The following NEK5 variants were observed in gnomAD, a reference collection of about 807,000 sequenced individuals.
NEK5 encodes serine/threonine-protein kinase Nek5.
NEK5 carries 88 observed loss-of-function variants against 109.2 expected under a neutral mutation model. The ratio of observed to expected loss-of-function variants is 0.81; its 90% CI spans 0.68 to 0.96. The LOEUF (loss-of-function observed/expected upper bound fraction) is 0.96, where lower values mean the gene tolerates loss of function less well. Ranked by LOEUF, NEK5 falls within the 40% of genes least tolerant of loss-of-function variation. The pLI, the probability that NEK5 is intolerant of heterozygous loss-of-function variation, is 0.00. For synonymous variants in NEK5, 283 were observed against 299.9 expected, an observed-to-expected ratio of 0.94 and a Z score of 0.58; for missense variants, 834 against 920.7, an observed-to-expected ratio of 0.91 and a Z score of 1.22.
intron 19 of NEK5, among the ~76,000 whole-genome samples, chr13:52,073,668 A>C (rs758939885): frequency 6.6e-6 from 1 of 152,158 alleles, no homozygotes; most frequent in East Asian, 1.9e-4. Flanking sequence ...AGGCATCCAA[A>C]TAAGAAAAGA....
intron 21 of NEK5, 135 bp from the exon 22 acceptor site, chr13:52,062,088 A>C (rs1392315074): frequency 6.5e-6 from 1 of 152,766 alleles, no homozygotes; most frequent in Non-Finnish European, 1.5e-5. Context: ...GATATAGAAA[A>C]GTTTAGTGAC....
At chr13:52,101,401 GA>G (rs59572240) in intron 11 of NEK5, among the ~76,000 whole-genome samples, 75 of 142,664 alleles carry the variant, frequency 5.3e-4, no homozygotes, top group Admixed American at 1.6e-3. Flanking sequence ...CTCCGTCTCG[GA>G]AAAAAAAAAA....
intron 13 of NEK5, among the ~76,000 whole-genome samples, chr13:52,090,287 A>G (rs7320155): frequency 0.021 from 3,232 of 152,344 alleles, 84 homozygotes; most frequent in Admixed American, 0.083. Context: ...ATTTCAGACC[A>G]TAAGTTTTTT....
At chr13:52,120,974 C>A (rs1955958365) in intron 3 of NEK5, among the ~76,000 whole-genome samples, 1 of 149,916 alleles carries the variant, frequency 6.7e-6, no homozygotes, top group African/African-American at 2.5e-5. Flanking sequence ...ATGTATGAAA[C>A]TGGCAAAGAT....
chr13:52,069,841 G>A (rs902465266), intron 20 of NEK5, among the ~76,000 whole-genome samples: 1 of 152,130 alleles, frequency 6.6e-6, no homozygotes. Context: ...CAAAAATGAT[G>A]GCATGTGAAG....
Position 52,061,818 on chromosome 13 carries a change from C to G in NEK5, c.2110+1G>C, listed in dbSNP as rs1388683370. Reference sequence around the variant, plus strand: ...TATGTTGTTAAAAATAAACTACATACCAAATTCTTCATCGGCAGAAAATGA... The same window carrying G: ...TATGTTGTTAAAAATAAACTACATAGCAAATTCTTCATCGGCAGAAAATGA... On this transcript the variant is annotated splice_donor_variant, in intron 22 of 23. Coordinates refer to ENST00000684899, the MANE Select transcript of NEK5 (RefSeq NM_001365552.1). LOFTEE classifies it high-confidence loss of function. The G allele has an allele frequency of 1.0e-6, 1 of 985,236 alleles. No individual in the cohort carries two copies. Among genetic ancestry groups the G allele is most frequent in the Non-Finnish European group, 1.2e-6 (1 of 829,372 alleles). 61.0% of individuals were successfully genotyped at this position (985,236 alleles called of 1,614,324 possible).
chr13:52,055,938 C>CACATAACAATATTAACTTTA, intron 22 of NEK5, among the ~76,000 whole-genome samples: 1 of 151,514 alleles, frequency 6.6e-6, no homozygotes, highest in South Asian at 2.1e-4. Context: ...ATCAAATTCA[C>CACATAACAATATTAACTTTA]ACATAACAAT....
At chr13:52,104,635 G>A in intron 8 of NEK5, 83 bp from the exon 9 acceptor site, 1 of 913,952 alleles carries the variant, frequency 1.1e-6, no homozygotes. Flanking sequence ...CCTTAAATTT[G>A]TGTCGCTTTA....
At chr13:52,127,747 C>T (rs1956095582) in intron 1 of NEK5, 85 bp from the exon 2 acceptor site, 1 of 347,982 alleles carries the variant, frequency 2.9e-6, no homozygotes, top group African/African-American at 2.1e-5. Context: ...GGGTAAGTCA[C>T]TTAACCTGGC....
rs532784393 is a variant in NEK5 at position 52,083,695 on chromosome 13, C to A, written c.1480-343G>T. 2.0e-3 allele frequency among the ~76,000 whole-genome samples: 307 copies of A among 152,222 alleles called. 6 individuals carry two copies. The highest frequency in any genetic ancestry group is 7.2e-4 in the Non-Finnish European group (49 of 68,022). On this transcript the variant is annotated intron_variant, in intron 16 of 23. Transcript: ENST00000684899. ...GGGACTATAGGCACGCACCACCACG[C>A]CTGGCTAATTTTTTGTCTTTTTAGT...
At chr13:52,037,716 G>A (rs1954373829) in intron 23 of NEK5, among the ~76,000 whole-genome samples, 2 of 152,288 alleles carry the variant, frequency 1.3e-5, no homozygotes, top group South Asian at 2.1e-4. Flanking sequence ...GAGGTCAGGA[G>A]ATCGAGACCA....
At chr13:52,126,608 T>A (rs1956067485) in intron 3 of NEK5, among the ~76,000 whole-genome samples, 1 of 152,086 alleles carries the variant, frequency 6.6e-6, no homozygotes, top group South Asian at 2.1e-4. Flanking sequence ...TGAAACTCCA[T>A]CTCTACTAAA....
chr13:52,108,554 T>C lies in NEK5; in HGVS notation c.468-150A>G. ...TAGAAGAAAGCAAAACACTGTATGT[T>C]GATAAAGTAACTAAATCAGCTGATT... On this transcript the variant is annotated intron_variant, in intron 7 of 23. Coordinates refer to ENST00000684899, the MANE Select transcript of NEK5 (RefSeq NM_001365552.1). 3 of 484,762 alleles carry C rather than the reference T, an allele frequency of 6.2e-6. No homozygotes were observed. In the South Asian group the frequency reaches 1.3e-4, roughly 21 times the overall value. 30.0% of individuals were successfully genotyped at this position (484,762 alleles called of 1,614,324 possible).
intron 23 of NEK5, among the ~76,000 whole-genome samples, chr13:52,045,739 T>C (rs1954452962): frequency 8.3e-6 from 1 of 119,792 alleles, no homozygotes; most frequent in African/African-American, 3.3e-5. Flanking sequence ...CACTCCAGCC[T>C]GGGCGACAGA....
chr13:52,126,350 T>G (rs1241186085), intron 3 of NEK5, among the ~76,000 whole-genome samples: 3 of 152,228 alleles, frequency 2.0e-5, no homozygotes, highest in African/African-American at 7.2e-5. Flanking sequence ...TCTCTATTCA[T>G]TCAGTGCACT....
chr13:52,046,494 A>G lies in NEK5; in HGVS notation c.2228+3610T>C, dbSNP rs536979319. On this transcript the variant is annotated intron_variant, in intron 23 of 23. Coordinates refer to ENST00000684899, the MANE Select transcript of NEK5 (RefSeq NM_001365552.1). The stretch of plus-strand genomic sequence containing the variant: ...ATCCTGTATGTTTAAAAAAAAAAAA[A>G]AAGAAGAAGAAGAAGAAGAAAGAGT... 1.9e-3 allele frequency among the ~76,000 whole-genome samples: 285 copies of G among 150,860 alleles called. 1 individual carries two copies. Among genetic ancestry groups the G allele is most frequent in the African/African-American group, 2.5e-3 (100 of 40,758 alleles).
At chr13:52,098,703 T>C (rs570559654) in intron 12 of NEK5, among the ~76,000 whole-genome samples, 1 of 152,138 alleles carries the variant, frequency 6.6e-6, no homozygotes, top group Non-Finnish European at 1.5e-5. Context: ...ACTTTTCCTA[T>C]ACAGAAAAAT....
At chr13:52,126,244 A>T (rs1341916879) in intron 3 of NEK5, among the ~76,000 whole-genome samples, 1 of 152,236 alleles carries the variant, frequency 6.6e-6, no homozygotes, top group African/African-American at 2.4e-5. Flanking sequence ...AGGGTGACAT[A>T]AACACTGACC....
At chr13:52,056,750 G>T (rs1335869399) in intron 22 of NEK5, among the ~76,000 whole-genome samples, 4 of 151,618 alleles carry the variant, frequency 2.6e-5, no homozygotes, top group African/African-American at 4.8e-5. Context: ...TGAACCCAAC[G>T]AGAACAAAGA....
Sources: gnomAD v4.1 joint callset for allele counts (sites outside exome capture counted in the v4.1 genomes callset) on GRCh38, gnomAD v4.1.1 for gene constraint, MANE v1.5 for transcripts, NCBI Gene and HGNC (gene_info 2026-07-23, HGNC 2026-07-21) for gene names.